The following UHRF2 variants were observed in gnomAD, a reference collection of about 807,000 sequenced individuals.
UHRF2 encodes the protein ubiquitin like with PHD and ring finger domains 2, also known as E3 ubiquitin-protein ligase UHRF2.
UHRF2 carries 23 observed loss-of-function variants against 96.8 expected under a neutral mutation model. That is an observed-to-expected ratio of 0.24 (90% CI 0.17 to 0.34). UHRF2 has a LOEUF of 0.34. Ranked by LOEUF, UHRF2 falls within the 10% of genes least tolerant of loss-of-function variation. The pLI, the probability that UHRF2 is intolerant of heterozygous loss-of-function variation, is 1.00. For missense variants in UHRF2, 685 were observed against 981.5 expected, an observed-to-expected ratio of 0.70 and a Z score of 4.04; for synonymous variants, 385 against 332.6, an observed-to-expected ratio of 1.16 and a Z score of -1.72.
At chr9:6,423,581 C>G (rs1052558744) in intron 2 of UHRF2, among the ~76,000 whole-genome samples, 5 of 150,722 alleles carry the variant, frequency 3.3e-5, no homozygotes, top group Non-Finnish European at 5.9e-5. Flanking sequence ...CCAAAGAAAA[C>G]ATATTAATTT....
rs1820117359 is a variant in UHRF2 at position 6,424,381 on chromosome 9, A to C, written c.384+3239A>C. On this transcript the variant is annotated intron_variant, in intron 2 of 15. Coordinates refer to ENST00000276893, the MANE Select transcript of UHRF2 (RefSeq NM_152896.3). ...CAGTGCTATATAGTGGTCACAATTA[A>C]GAGAGAATTTTTAGCACTGAAAGCC... Among the ~76,000 whole-genome samples the C allele has an allele frequency of 1.4e-4, 3 of 21,682 alleles. No individual in the cohort carries two copies. The South Asian group carries it at 0.015, about 105-fold the overall frequency. The allele number at this position is 21,682 out of a possible 152,430, so 14.2% of individuals were successfully genotyped here. A position where few individuals can be genotyped will look rare whatever the true frequency, so the allele number is the denominator to read the frequency against.
intron 3 of UHRF2, among the ~76,000 whole-genome samples, chr9:6,447,907 G>A (rs1821613080): frequency 6.6e-6 from 1 of 152,192 alleles, no homozygotes; most frequent in Non-Finnish European, 1.5e-5. Context: ...TAGTTTGGAG[G>A]AAGGCATGTG....
At position 6,421,105 on chromosome 9, in the gene UHRF2, G is replaced by T. The variant is rs140727862; in HGVS notation, c.347G>T (p.Arg116Leu). 1.9e-6 allele frequency: 3 copies of T among 1,613,870 alleles called. No homozygotes were observed. Among genetic ancestry groups the T allele is most frequent in the Non-Finnish European group, 2.5e-6 (3 of 1,179,982 alleles). The stretch of plus-strand genomic sequence containing the variant: ...TCCAATCAGCCATCTACATCAGCTC[G>T]TGCCCGTCTTATTGATCCTGGCTTT... ...GPSNQPSTSA[R>L]ARLIDPGFGI... The change falls in exon 2 of 16, where the codon CGT becomes CTT. Residue 116 changes from arginine (R) to leucine (L), a missense_variant. This residue lies in a region of UHRF2 where 391 missense variants were observed against 437.0 expected (regional missense o/e 0.89). Transcript: ENST00000276893.
At position 6,440,423 on chromosome 9, in the gene UHRF2, C is replaced by G. The variant is rs547792705; in HGVS notation, c.644+6250C>G. 2.6e-5 allele frequency among the ~76,000 whole-genome samples: 4 copies of G among 152,266 alleles called. No individual in the cohort carries two copies. In the East Asian group the frequency reaches 7.7e-4, roughly 29 times the overall value. The stretch of plus-strand genomic sequence containing the variant: ...GTCACATCTATTAAACTGTCTGACT[C>G]AAGAGCCCAAGAGTTAACCAATATG... On this transcript the variant is annotated intron_variant, in intron 3 of 15. Transcript: ENST00000276893.
intron 8 of UHRF2, among the ~76,000 whole-genome samples, chr9:6,486,182 C>T (rs569542545): frequency 3.3e-5 from 5 of 152,252 alleles, no homozygotes; most frequent in African/African-American, 1.2e-4. Flanking sequence ...TTAAAAGAAT[C>T]ATCCAGTTTG....
At chr9:6,445,969 C>CCA (rs1393903970) in intron 3 of UHRF2, among the ~76,000 whole-genome samples, 3 of 136,770 alleles carry the variant, frequency 2.2e-5, no homozygotes, top group South Asian at 2.4e-4. Context: ...ATACTCTTCC[C>CCA]CCCCCGCCAC....
At chr9:6,421,684 T>C (rs1819939782) in intron 2 of UHRF2, among the ~76,000 whole-genome samples, 1 of 152,204 alleles carries the variant, frequency 6.6e-6, no homozygotes, top group African/African-American at 2.4e-5. Context: ...CCCAAAGTGC[T>C]GGAATTACCG....
At chr9:6,467,856 C>T (rs1170626665) in intron 4 of UHRF2, among the ~76,000 whole-genome samples, 2 of 151,670 alleles carry the variant, frequency 1.3e-5, no homozygotes, top group Non-Finnish European at 2.9e-5. Context: ...CTTTTTTTTC[C>T]TTATACCCAG....
intron 1 of UHRF2, among the ~76,000 whole-genome samples, chr9:6,420,673 C>G (rs1819879632): frequency 6.7e-6 from 1 of 150,164 alleles, no homozygotes; most frequent in Admixed American, 6.7e-5. Context: ...TGCCACTGCC[C>G]TCCAGCCTGG....
intron 3 of UHRF2, among the ~76,000 whole-genome samples, chr9:6,442,797 G>A (rs917835298): frequency 1.3e-5 from 2 of 151,972 alleles, no homozygotes; most frequent in Admixed American, 1.3e-4. Flanking sequence ...GGCATGGCAC[G>A]AACTTCATGA....
chr9:6,443,508 C>G (rs1182163812), intron 3 of UHRF2, among the ~76,000 whole-genome samples: 1 of 152,206 alleles, frequency 6.6e-6, no homozygotes, highest in Non-Finnish European at 1.5e-5. Context: ...TTTTAAAAAA[C>G]TATTGTAAAA....
intron 6 of UHRF2, among the ~76,000 whole-genome samples, chr9:6,481,417 T>C (rs1214243248): frequency 6.6e-6 from 1 of 152,164 alleles, no homozygotes; most frequent in East Asian, 1.9e-4. Context: ...TTGAACTGAA[T>C]TTGAGGATTT....
chr9:6,492,832 C>CTTTTTTTTTT (rs34371545), intron 9 of UHRF2: 41 of 89,440 alleles, frequency 4.6e-4, no homozygotes, highest in Non-Finnish European at 6.6e-4. Flanking sequence ...GAGCTTTTGG[C>CTTTTTTTTTT]TTTTTTTTTT....
At chr9:6,455,681 TA>T in intron 3 of UHRF2, among the ~76,000 whole-genome samples, 1 of 152,286 alleles carries the variant, frequency 6.6e-6, no homozygotes, top group Admixed American at 6.5e-5. Context: ...ATCAGGAAGT[TA>T]GGCCTAAAAG....
intron 3 of UHRF2, among the ~76,000 whole-genome samples, chr9:6,449,723 A>G (rs1031951160): frequency 3.9e-5 from 6 of 152,196 alleles, no homozygotes; most frequent in Non-Finnish European, 8.8e-5. Context: ...TGCAAACAGT[A>G]TGGTTTATGC....
At chr9:6,469,906 G>A (rs1376758233) in intron 4 of UHRF2, among the ~76,000 whole-genome samples, 3 of 151,978 alleles carry the variant, frequency 2.0e-5, no homozygotes, top group East Asian at 3.9e-4. Flanking sequence ...ACAAGTTCAG[G>A]TCAAAGAAGT....
At chr9:6,472,459 G>T (rs1823301855) in intron 4 of UHRF2, among the ~76,000 whole-genome samples, 2 of 152,314 alleles carry the variant, frequency 1.3e-5, no homozygotes, top group South Asian at 4.1e-4. Flanking sequence ...CTAGCCTTTA[G>T]TATAACAGCT....
intron 9 of UHRF2, 70 bp from the exon 10 acceptor site, chr9:6,493,756 C>T: frequency 2.2e-6 from 3 of 1,351,992 alleles, no homozygotes; most frequent in Non-Finnish European, 3.1e-6. Context: ...AATGTTTTGA[C>T]TCTGAAATAA....
chr9:6,491,144 G>T (rs925040438), intron 9 of UHRF2, among the ~76,000 whole-genome samples: 2 of 152,202 alleles, frequency 1.3e-5, no homozygotes, highest in African/African-American at 4.8e-5. Flanking sequence ...CTTCTGAGAA[G>T]TGAGGACCCA....
Sources: allele counts gnomAD v4.1 joint callset (sites outside exome capture counted in the v4.1 genomes callset), GRCh38; gene constraint gnomAD v4.1.1; regional missense constraint gnomAD v4.1.1; transcripts MANE v1.5; gene names NCBI Gene and HGNC (gene_info 2026-07-23, HGNC 2026-07-21).